CHCHD6: variants seen among roughly 807,000 people sequenced by gnomAD.
CHCHD6 encodes the protein coiled-coil-helix-coiled-coil-helix domain containing 6, also known as MICOS complex subunit MIC25.
In CHCHD6, 28 loss-of-function variants were observed where a neutral mutation model predicts 32.3. The observed-to-expected ratio is 0.87, with a 90% CI of 0.64 to 1.19. CHCHD6 has a LOEUF of 1.19. Ranked by LOEUF, CHCHD6 falls within the 50% of genes most tolerant of loss-of-function variation. CHCHD6 has a pLI of 0.00. For synonymous variants in CHCHD6, 122 were observed against 117.5 expected (o/e 1.04, Z -0.25); for missense variants, 333 against 307.0 (o/e 1.08, Z -0.63).
intron 5 of CHCHD6, among the ~76,000 whole-genome samples, chr3:126,858,948 C>T (rs1284467943): frequency 6.6e-6 from 1 of 152,190 alleles, no homozygotes; most frequent in Non-Finnish European, 1.5e-5. Context: ...CGTTGTCTGT[C>T]CCCCGCTGAG....
chr3:126,800,468 A>G (rs1939010381), intron 4 of CHCHD6, among the ~76,000 whole-genome samples: 1 of 152,212 alleles, frequency 6.6e-6, no homozygotes, highest in Non-Finnish European at 1.5e-5. Context: ...GTCCCCAAAG[A>G]GCTCCAGAAT....
At chr3:126,805,997 T>C (rs967225295) in intron 4 of CHCHD6, among the ~76,000 whole-genome samples, 4 of 152,198 alleles carry the variant, frequency 2.6e-5, no homozygotes, top group African/African-American at 9.7e-5. Context: ...TGGCTAGCCA[T>C]ATGTAGAAAG....
intron 4 of CHCHD6, chr3:126,766,911 C>A (rs1937392154): frequency 1.9e-6 from 2 of 1,045,070 alleles, no homozygotes; most frequent in African/African-American, 1.6e-5. Flanking sequence ...CGTGGCCCAG[C>A]CGGCCATAGC....
At position 126,708,421 on chromosome 3, in the gene CHCHD6, A is replaced by G. The variant is rs1311292065; in HGVS notation, c.87+4022A>G. ...CAGACTCAGGGCCCAAATGCCAGGC[A>G]GGGCTGTGAACATGTTATTCTGGAG... On this transcript the variant is annotated intron_variant, in intron 1 of 7. Coordinates refer to ENST00000290913, the MANE Select transcript of CHCHD6 (RefSeq NM_032343.3). 3.9e-5 allele frequency among the ~76,000 whole-genome samples: 6 copies of G among 152,198 alleles called. No individual in the cohort carries two copies. In the East Asian group the frequency reaches 1.2e-3, roughly 29 times the overall value.
At chr3:126,777,244 G>A (rs1225231141) in intron 4 of CHCHD6, among the ~76,000 whole-genome samples, 3 of 152,118 alleles carry the variant, frequency 2.0e-5, no homozygotes. Context: ...CAGCTTGTAA[G>A]GTAGAAATCA....
intron 1 of CHCHD6, among the ~76,000 whole-genome samples, chr3:126,705,333 C>T (rs1934432283): frequency 6.6e-6 from 1 of 152,196 alleles, no homozygotes. Flanking sequence ...AGGTTCCTGT[C>T]TGATTGAAGA....
chr3:126,945,585 G>T (rs566939154), intron 6 of CHCHD6, among the ~76,000 whole-genome samples: 6 of 141,778 alleles, frequency 4.2e-5, no homozygotes, highest in Non-Finnish European at 9.2e-5. Flanking sequence ...CGGTGTGGCG[G>T]AGACTTGATG....
chr3:126,761,492 C>G (rs1172292431), intron 4 of CHCHD6, among the ~76,000 whole-genome samples: 1 of 152,216 alleles, frequency 6.6e-6, no homozygotes, highest in Non-Finnish European at 1.5e-5. Context: ...TTCTGCACAT[C>G]ATAGCTAACT....
chr3:126,811,144 T>G (rs1167209812), intron 4 of CHCHD6, among the ~76,000 whole-genome samples: 1 of 152,208 alleles, frequency 6.6e-6, no homozygotes, highest in Non-Finnish European at 1.5e-5. Context: ...TTTAGTTCTT[T>G]GTGTGGCTTA....
At chr3:126,764,887 T>C (rs1186643275) in intron 4 of CHCHD6, among the ~76,000 whole-genome samples, 1 of 152,128 alleles carries the variant, frequency 6.6e-6, no homozygotes, top group African/African-American at 2.4e-5. Context: ...GGACTACTGA[T>C]TGAACACAGA....
intron 5 of CHCHD6, among the ~76,000 whole-genome samples, chr3:126,906,483 G>A (rs1251978196): frequency 1.3e-5 from 2 of 152,204 alleles, no homozygotes; most frequent in East Asian, 1.9e-4. Context: ...TCTGTGCCTC[G>A]TGCGGTCCAA....
chr3:126,789,708 C>T (rs1354410884), intron 4 of CHCHD6, among the ~76,000 whole-genome samples: 1 of 152,102 alleles, frequency 6.6e-6, no homozygotes, highest in Non-Finnish European at 1.5e-5. Flanking sequence ...TATTTTGAGC[C>T]TATATGTGTC....
chr3:126,806,290 G>A (rs1033228385), intron 4 of CHCHD6, among the ~76,000 whole-genome samples: 13 of 152,042 alleles, frequency 8.6e-5, no homozygotes, highest in Non-Finnish European at 1.5e-4. Flanking sequence ...GAAAATTTTC[G>A]CACCCTACTC....
intron 4 of CHCHD6, among the ~76,000 whole-genome samples, chr3:126,808,431 G>C (rs1158865528): frequency 6.6e-6 from 1 of 152,092 alleles, no homozygotes; most frequent in African/African-American, 2.4e-5. Context: ...TTAGAGGGCT[G>C]TGTTACTCAA....
At chr3:126,841,049 C>T (rs911680692) in intron 4 of CHCHD6, among the ~76,000 whole-genome samples, 45 of 151,860 alleles carry the variant, frequency 3.0e-4, no homozygotes, top group Non-Finnish European at 1.5e-5. Context: ...CCCCACTCCC[C>T]TCACCCCACA....
At chr3:126,780,769 A>C (rs559267588) in intron 4 of CHCHD6, among the ~76,000 whole-genome samples, 1 of 152,324 alleles carries the variant, frequency 6.6e-6, no homozygotes, top group African/African-American at 2.4e-5. Flanking sequence ...TTTTGGCCTC[A>C]AGGGACAGAA....
At chr3:126,820,450 C>T (rs1031973561) in intron 4 of CHCHD6, among the ~76,000 whole-genome samples, 6 of 152,266 alleles carry the variant, frequency 3.9e-5, no homozygotes, top group African/African-American at 7.2e-5. Context: ...CCTGCTCTTG[C>T]GCTCTGTGGA....
At chr3:126,916,276 C>T (rs2078168765) in intron 6 of CHCHD6, among the ~76,000 whole-genome samples, 1 of 151,938 alleles carries the variant, frequency 6.6e-6, no homozygotes, top group Admixed American at 6.5e-5. Context: ...TGGCACATGC[C>T]TGTAATCCCA....
chr3:126,830,234 A>G (rs1940583043), intron 4 of CHCHD6, among the ~76,000 whole-genome samples: 1 of 152,188 alleles, frequency 6.6e-6, no homozygotes, highest in African/African-American at 2.4e-5. Context: ...GAAAGTGGAC[A>G]CTTCACTGTT....
Sources: gnomAD v4.1 joint callset for allele counts (sites outside exome capture counted in the v4.1 genomes callset) on GRCh38, gnomAD v4.1.1 for gene constraint, MANE v1.5 for transcripts, NCBI Gene and HGNC (gene_info 2026-07-23, HGNC 2026-07-21) for gene names.